The following ALS2CL variants were observed in gnomAD, a reference collection of about 807,000 sequenced individuals.
ALS2CL encodes ALS2 C-terminal-like protein.
In ALS2CL, 112 loss-of-function variants were observed where a neutral mutation model predicts 127.9. That is an observed-to-expected ratio of 0.88 (90% CI 0.75 to 1.02). The LOEUF is 1.02. Ranked by LOEUF, ALS2CL falls within the 50% of genes least tolerant of loss-of-function variation. The probability of loss-of-function intolerance (pLI) is 0.00; values close to 1 mark genes in which losing one functional copy is unlikely to be tolerated. For missense variants in ALS2CL, 1,174 were observed against 1,236.7 expected, an observed-to-expected ratio of 0.95 and a Z score of 0.76; for synonymous variants, 519 against 527.6, an observed-to-expected ratio of 0.98 and a Z score of 0.22.
intron 22 of ALS2CL, 124 bp downstream of exon 22, chr3:46,673,215 C>A: frequency 2.6e-6 from 2 of 765,164 alleles, no homozygotes; most frequent in Non-Finnish European, 2.0e-6. Flanking sequence ...TGTCTCCTCC[C>A]AACCCACCCT....
At chr3:46,674,999 A>C in intron 20 of ALS2CL, 1 of 394,426 alleles carries the variant, frequency 2.5e-6, no homozygotes, top group Non-Finnish European at 4.5e-6. Context: ...CTGAAAGCAA[A>C]ACCAGGGCCC....
chr3:46,681,243 C>T lies in ALS2CL; in HGVS notation c.1436+3G>A. 6.2e-7 allele frequency: 1 copy of T among 1,613,766 alleles called. No individual in the cohort carries two copies. Among genetic ancestry groups the T allele is most frequent in the South Asian group, 1.1e-5 (1 of 91,080 alleles). On this transcript the variant is annotated splice_donor_region_variant and intron_variant, in intron 13 of 25. Coordinates refer to ENST00000318962, the MANE Select transcript of ALS2CL (RefSeq NM_147129.5). This position sits in a 1 kb window ranked among gnomAD's most constrained non-coding sequence, Gnocchi z 4.9. ...CTGGGAGTGGTGGCTGCAGGGCGCT[C>T]ACCTGTCACCATCCTCCTCAATGCC...
chr3:46,687,076 G>A lies in ALS2CL; in HGVS notation c.441C>T (p.Gly147=), dbSNP rs772518197. 1.8e-5 allele frequency: 28 copies of A among 1,592,038 alleles called. No homozygotes were observed. The South Asian group carries it at 1.9e-4, about 11-fold the overall frequency. ...GGTGGAGGGCCTGGCCCAGCGATGC[G>A]CCCACCGAGCCCTCTGAGCTCACAC... ...LSGVSSEGSV[G]ASLGQALHQP... The change falls in exon 5 of 26, where the codon GGC becomes GGT. Residue 147 remains glycine (G), a synonymous_variant. Coordinates refer to ENST00000318962, the MANE Select transcript of ALS2CL (RefSeq NM_147129.5).
chr3:46,674,342 G>A lies in ALS2CL; in HGVS notation c.2429+224C>T, dbSNP rs186834957. Among the ~76,000 whole-genome samples, 712 of 152,248 alleles carry A rather than the reference G, an allele frequency of 4.7e-3. 4 individuals are homozygous for A. The highest frequency in any genetic ancestry group is 0.016 in the African/African-American group (666 of 41,524). The stretch of plus-strand genomic sequence containing the variant: ...TGAACCTTGAGCGGTTGGTGCTTAT[G>A]GTGTTTGTCACCACAAGGGGGAGGC... On this transcript the variant is annotated intron_variant, in intron 21 of 25. Transcript: ENST00000318962.
At chr3:46,674,983 A>G (rs1188406433) in intron 20 of ALS2CL, 1 of 425,962 alleles carries the variant, frequency 2.3e-6, no homozygotes, top group Admixed American at 4.1e-5. Context: ...TTGGATCCCC[A>G]TTTGACTGAA....
chr3:46,671,420 G>T (rs1405172122), intron 25 of ALS2CL, 68 bp downstream of exon 25: 39 of 1,601,664 alleles, frequency 2.4e-5, no homozygotes, highest in Non-Finnish European at 8.5e-6. Flanking sequence ...ATGATGTCTG[G>T]GAAGGGAAAA....
intron 6 of ALS2CL, among the ~76,000 whole-genome samples, chr3:46,685,909 G>T (rs13073467): frequency 0.35 from 52,765 of 152,086 alleles, 10,232 homozygotes; most frequent in Non-Finnish European, 0.42. Context: ...GGCCACCCCT[G>T]CCTCCCTTCC....
intron 17 of ALS2CL, 38 bp from the exon 18 acceptor site, chr3:46,676,776 G>GC (rs781158713): frequency 1.9e-6 from 3 of 1,612,292 alleles, no homozygotes; most frequent in Non-Finnish European, 1.7e-6. Flanking sequence ...CCACACCTCG[G>GC]CCCAGCCCCC....
chr3:46,687,805 T>A lies in ALS2CL; in HGVS notation c.303-121A>T. The A allele has an allele frequency of 2.8e-6, 3 of 1,070,148 alleles. No individual in the cohort carries two copies. The South Asian group carries it at 5.0e-5, about 18-fold the overall frequency. 66.3% of individuals were successfully genotyped at this position (1,070,148 alleles called of 1,614,324 possible). On this transcript the variant is annotated intron_variant, in intron 3 of 25. Coordinates refer to ENST00000318962, the MANE Select transcript of ALS2CL (RefSeq NM_147129.5). ...GCTGCAGCCCTGAGGGCCCACACAG[T>A]GGCCTGGCTCTGGGCACTGGAGACC...
intron 25 of ALS2CL, 57 bp downstream of exon 25, chr3:46,671,430 AG>A (rs1230212680): frequency 6.2e-7 from 1 of 1,606,426 alleles, no homozygotes; most frequent in Non-Finnish European, 8.5e-7. Flanking sequence ...GGAAGGGAAA[AG>A]GGTCTGCCCC....
At position 46,683,145 on chromosome 3, in the gene ALS2CL, C is replaced by A. The variant is rs1259709691; in HGVS notation, c.1094G>T (p.Gly365Val). The A allele has an allele frequency of 3.8e-6, 6 of 1,593,908 alleles. No homozygotes were observed. The highest frequency in any genetic ancestry group is 5.1e-6 in the Non-Finnish European group (6 of 1,170,424). The change falls in exon 10 of 26, where the codon GGC becomes GTC. Residue 365 changes from glycine to valine, a missense_variant. Gly to Val is a moderately radical substitution (Grantham distance 109). Transcript: ENST00000318962. The part of the protein sequence containing the change: ...QATYEGEWCR[G>V]RPHGKGTLKW... ...AGCCACTCACTTGCCGTGGGGCCGG[C>A]CCCTGCACCACTCGCCCTCGTAGGT...
In ALS2CL at chr3:46,690,052, C is replaced by T. The variant is rs575719178; in HGVS notation, c.-25-587G>A. Among the ~76,000 whole-genome samples the T allele has an allele frequency of 1.8e-4, 27 of 152,296 alleles. No individual in the cohort carries two copies. The South Asian group carries it at 4.4e-3, about 25-fold the overall frequency. ...AAATGAAAAGGAAGACAGGACCCAG[C>T]AGGCAAGTGGAGGAACCCTGAGAGT... On this transcript the variant is annotated intron_variant, in intron 1 of 25. Transcript: ENST00000318962.
Position 46,681,071 on chromosome 3 carries a change from T to C in ALS2CL, c.1436+175A>G. 1 of 1,052,328 alleles carries C rather than the reference T, an allele frequency of 9.5e-7. No homozygotes were observed. The highest frequency in any genetic ancestry group is 1.4e-6 in the Non-Finnish European group (1 of 690,934). 65.2% of individuals were successfully genotyped at this position (1,052,328 alleles called of 1,614,324 possible). ...GGCGGGGGCGACCCTGCAGTCAGCGTGACCAAGATTCGCTCAGCCTGAGCC... is the reference window on the plus strand; with the variant it reads ...GGCGGGGGCGACCCTGCAGTCAGCGCGACCAAGATTCGCTCAGCCTGAGCC... On this transcript the variant is annotated intron_variant, in intron 13 of 25. Coordinates refer to ENST00000318962, the MANE Select transcript of ALS2CL (RefSeq NM_147129.5). The surrounding 1 kb of genome is among the most constrained non-coding windows in gnomAD (Gnocchi z 4.9).
At chr3:46,687,192 A>G in intron 4 of ALS2CL, 44 bp from the exon 5 acceptor site, 1 of 1,471,538 alleles carries the variant, frequency 6.8e-7, no homozygotes, top group Non-Finnish European at 9.0e-7. Flanking sequence ...CCCTTCCTCC[A>G]TTCCTGCACC....
Position 46,678,326 on chromosome 3 carries a change from C to T in ALS2CL, c.1690G>A (p.Gly564Arg). 6.2e-7 allele frequency: 1 copy of T among 1,613,422 alleles called. No individual in the cohort carries two copies. The highest frequency in any genetic ancestry group is 1.1e-5 in the South Asian group (1 of 90,988). ...EGSFGSGAGR[G>R]LHTQGVLDTA... ...TCCAGCACACCCTGTGTGTGCAGTCCTCTCCCTGCCCCACTGCCGAACGAG... is the reference window on the plus strand; with the variant it reads ...TCCAGCACACCCTGTGTGTGCAGTCTTCTCCCTGCCCCACTGCCGAACGAG... The change falls in exon 16 of 26, where the codon GGA (glycine) becomes AGA (arginine). Residue 564 changes from glycine to arginine, a missense_variant. By Grantham distance (125) the Gly-to-Arg change is moderately radical. Coordinates refer to ENST00000318962, the MANE Select transcript of ALS2CL (RefSeq NM_147129.5).
intron 7 of ALS2CL, among the ~76,000 whole-genome samples, chr3:46,684,400 C>G (rs1204089225): frequency 1.5e-5 from 1 of 66,476 alleles, no homozygotes; most frequent in East Asian, 3.4e-4. Context: ...TTTAAGACCT[C>G]ACAGACCACT....
At chr3:46,678,936 C>T (rs537167616) in intron 15 of ALS2CL, among the ~76,000 whole-genome samples, 27 of 152,278 alleles carry the variant, frequency 1.8e-4, no homozygotes, top group East Asian at 5.8e-4. Flanking sequence ...TGGTGGAGGG[C>T]GTGTATTCTG....
chr3:46,680,639 G>C, intron 13 of ALS2CL, 98 bp from the exon 14 acceptor site: 2 of 1,026,166 alleles, frequency 1.9e-6, no homozygotes, highest in Non-Finnish European at 2.9e-6. Flanking sequence ...TGCAGATAAG[G>C]GGCAGTGACA....
At chr3:46,674,330 G>A (rs1282899416) in intron 21 of ALS2CL, among the ~76,000 whole-genome samples, 1 of 152,332 alleles carries the variant, frequency 6.6e-6, no homozygotes, top group East Asian at 1.9e-4. Flanking sequence ...ACCTTGAGCG[G>A]TTGGTGCTTA....
Sources: allele counts gnomAD v4.1 joint callset (sites outside exome capture counted in the v4.1 genomes callset), GRCh38; gene constraint gnomAD v4.1.1; non-coding constraint Gnocchi (gnomAD v3.1); transcripts MANE v1.5; gene names NCBI Gene and HGNC (gene_info 2026-07-23, HGNC 2026-07-21).